The following PTPRK variants were observed in gnomAD, a reference collection of about 807,000 sequenced individuals.
The protein encoded by PTPRK is protein tyrosine phosphatase receptor type K, also known as receptor-type tyrosine-protein phosphatase kappa.
In PTPRK, 75 loss-of-function variants were observed where a neutral mutation model predicts 178.0. That is an observed-to-expected ratio of 0.42 (90% CI 0.35 to 0.51). The LOEUF is 0.51. Ranked by LOEUF, PTPRK falls within the 20% of genes least tolerant of loss-of-function variation. The probability of loss-of-function intolerance (pLI) is 0.02; values close to 1 mark genes in which losing one functional copy is unlikely to be tolerated. For synonymous variants in PTPRK, 637 were observed against 620.6 expected (o/e 1.03, Z -0.39); for missense variants, 1,441 against 1,797.8 (o/e 0.80, Z 3.59).
At chr6:128,216,988 C>G (rs1032927583) in intron 6 of PTPRK, among the ~76,000 whole-genome samples, 2 of 152,206 alleles carry the variant, frequency 1.3e-5, no homozygotes, top group African/African-American at 4.8e-5. Context: ...AAGATACCAT[C>G]TCCTTCACTG....
chr6:128,033,474 T>C (rs994965609), intron 13 of PTPRK, among the ~76,000 whole-genome samples: 9 of 152,248 alleles, frequency 5.9e-5, no homozygotes, highest in Non-Finnish European at 7.3e-5. Context: ...TGTCTGCTAT[T>C]ATTGCATTCA....
At chr6:128,094,964 G>T (rs1360481607) in intron 7 of PTPRK, among the ~76,000 whole-genome samples, 7 of 152,116 alleles carry the variant, frequency 4.6e-5, no homozygotes, top group Non-Finnish European at 5.9e-5. Flanking sequence ...AGATGAGCAT[G>T]TGTTAGTGAG....
Position 128,519,069 on chromosome 6 carries a change from C to T in PTPRK, c.100+1190G>A. On this transcript the variant is annotated intron_variant, in intron 1 of 29. Transcript: ENST00000368226. This position sits in a 1 kb window ranked among gnomAD's most constrained non-coding sequence, Gnocchi z 4.3. ...GTCGCTTTTCCCGTCTTCTCCATCA[C>T]CCTCTGGCCACCACTGCGTCTCCAT... The T allele has an allele frequency of 1.9e-6, 1 of 532,536 alleles. No homozygotes were observed. The allele number at this position is 532,536 out of a possible 1,614,324, so 33.0% of individuals were successfully genotyped here. A position where few individuals can be genotyped will look rare whatever the true frequency, so the allele number is the denominator to read the frequency against.
intron 6 of PTPRK, among the ~76,000 whole-genome samples, chr6:128,207,612 C>G (rs994558378): frequency 2.0e-5 from 3 of 152,018 alleles, no homozygotes; most frequent in African/African-American, 7.2e-5. Flanking sequence ...ACCATATATA[C>G]AAAAGCAGTG....
At chr6:128,052,396 G>A (rs1469822652) in intron 13 of PTPRK, among the ~76,000 whole-genome samples, 2 of 152,116 alleles carry the variant, frequency 1.3e-5, no homozygotes, top group Non-Finnish European at 2.9e-5. Context: ...GATCTAATTA[G>A]TTATATTTAG....
At chr6:128,330,090 C>T (rs1316469418) in intron 2 of PTPRK, among the ~76,000 whole-genome samples, 1 of 152,124 alleles carries the variant, frequency 6.6e-6, no homozygotes, top group African/African-American at 2.4e-5. Context: ...TAACAAAGAA[C>T]ATGCCAGAAA....
intron 5 of PTPRK, chr6:128,232,121 G>A (rs572365541): frequency 6.6e-6 from 1 of 152,264 alleles, no homozygotes; most frequent in East Asian, 1.9e-4. Context: ...TTCCACTTCA[G>A]TAAGATCCTT....
At chr6:128,179,167 C>T (rs1801539138) in intron 7 of PTPRK, among the ~76,000 whole-genome samples, 1 of 151,920 alleles carries the variant, frequency 6.6e-6, no homozygotes, top group South Asian at 2.1e-4. Flanking sequence ...TTTCACTTTG[C>T]ATTTATTCTG....
chr6:128,058,146 G>C (rs1780215834), intron 13 of PTPRK, among the ~76,000 whole-genome samples: 1 of 152,034 alleles, frequency 6.6e-6, no homozygotes, highest in East Asian at 1.9e-4. Flanking sequence ...ACATGTTTTT[G>C]GGTGTATTAA....
At chr6:128,129,426 C>G (rs1793873867) in intron 7 of PTPRK, among the ~76,000 whole-genome samples, 1 of 152,072 alleles carries the variant, frequency 6.6e-6, no homozygotes, top group Non-Finnish European at 1.5e-5. Context: ...TTCATTAGAA[C>G]ACCCATTAGC....
chr6:128,332,363 T>C (rs1274869429), intron 2 of PTPRK, among the ~76,000 whole-genome samples: 1 of 152,242 alleles, frequency 6.6e-6, no homozygotes, highest in Non-Finnish European at 1.5e-5. Context: ...CCCTACTTCC[T>C]ACACATCTAT....
At chr6:128,247,218 A>G (rs1013970352) in intron 3 of PTPRK, among the ~76,000 whole-genome samples, 3 of 152,250 alleles carry the variant, frequency 2.0e-5, no homozygotes, top group Non-Finnish European at 4.4e-5. Flanking sequence ...GATATTACAG[A>G]TACTAGAAAA....
intron 3 of PTPRK, among the ~76,000 whole-genome samples, chr6:128,282,906 T>G (rs550626522): frequency 6.6e-6 from 1 of 152,068 alleles, no homozygotes; most frequent in African/African-American, 2.4e-5. Context: ...GGAATGGTAG[T>G]TGGGATGAAA....
intron 7 of PTPRK, among the ~76,000 whole-genome samples, chr6:128,178,238 A>G (rs1297844920): frequency 6.6e-6 from 1 of 151,852 alleles, no homozygotes; most frequent in Non-Finnish European, 1.5e-5. Context: ...TTATATTTTT[A>G]TTATGGTTAT....
At chr6:128,365,681 A>G (rs951098148) in intron 2 of PTPRK, among the ~76,000 whole-genome samples, 1 of 152,132 alleles carries the variant, frequency 6.6e-6, no homozygotes, top group African/African-American at 2.4e-5. Context: ...TTTGTTATCA[A>G]TATCAGCCTT....
chr6:128,071,706 C>G (rs1782857643), intron 11 of PTPRK, among the ~76,000 whole-genome samples: 1 of 151,896 alleles, frequency 6.6e-6, no homozygotes, highest in South Asian at 2.1e-4. Flanking sequence ...ATTTTTATAA[C>G]TCACACAGAA....
intron 2 of PTPRK, among the ~76,000 whole-genome samples, chr6:128,328,213 G>T (rs1240841114): frequency 3.3e-5 from 5 of 152,112 alleles, no homozygotes; most frequent in Non-Finnish European, 7.3e-5. Context: ...TTAACACTGT[G>T]CCAGCTGTAA....
At chr6:128,462,020 G>C (rs567086297) in intron 1 of PTPRK, among the ~76,000 whole-genome samples, 2 of 152,032 alleles carry the variant, frequency 1.3e-5, no homozygotes, top group African/African-American at 4.8e-5. Flanking sequence ...TAAGAGACAG[G>C]GTCTTGCGAT....
At chr6:128,441,262 A>G (rs1169648880) in intron 1 of PTPRK, among the ~76,000 whole-genome samples, 1 of 152,060 alleles carries the variant, frequency 6.6e-6, no homozygotes, top group Non-Finnish European at 1.5e-5. Flanking sequence ...AAACCTCTGA[A>G]AAGCATTCCA....
Sources: gnomAD v4.1 joint callset for allele counts (sites outside exome capture counted in the v4.1 genomes callset) on GRCh38, gnomAD v4.1.1 for gene constraint, Gnocchi (gnomAD v3.1) non-coding constraint, MANE v1.5 for transcripts, NCBI Gene and HGNC (gene_info 2026-07-23, HGNC 2026-07-21) for gene names.